The following CASP5 variants were observed in gnomAD, a reference collection of about 807,000 sequenced individuals.
The protein encoded by CASP5 is caspase 5.
CASP5 carries 42 observed loss-of-function variants against 45.2 expected under a neutral mutation model. That is an observed-to-expected ratio of 0.93 (90% CI 0.73 to 1.20). The LOEUF is 1.20. Among genes scored for constraint, CASP5 ranks in the 50% most tolerant of loss-of-function variants. The pLI is 0.00. For synonymous variants in CASP5, 209 were observed against 186.2 expected (o/e 1.12, Z -1.00); for missense variants, 512 against 532.2 (o/e 0.96, Z 0.37).
intron 8 of CASP5, 147 bp from the exon 9 acceptor site, chr11:104,995,989 T>C (rs1861453308): frequency 7.2e-6 from 4 of 556,396 alleles, no homozygotes; most frequent in Admixed American, 3.2e-5. Context: ...TTAACACTGC[T>C]ACTCTACCTC....
At chr11:105,022,566 T>C (rs1863025990) in intron 1 of CASP5, among the ~76,000 whole-genome samples, 1 of 152,082 alleles carries the variant, frequency 6.6e-6, no homozygotes, top group South Asian at 2.1e-4. Context: ...GGTTAAGTTT[T>C]TGGGAGTGGG....
At chr11:105,017,073 C>A (rs1224094524) in intron 1 of CASP5, among the ~76,000 whole-genome samples, 2 of 151,824 alleles carry the variant, frequency 1.3e-5, no homozygotes, top group Non-Finnish European at 2.9e-5. Context: ...GCCGGGTACT[C>A]CAACAGACCT....
intron 1 of CASP5, 55 bp from the exon 2 acceptor site, chr11:105,009,035 C>G (rs1296698527): frequency 1.3e-6 from 2 of 1,564,238 alleles, no homozygotes; most frequent in East Asian, 2.2e-5. Context: ...AGAGTTTTGC[C>G]CTTGCTTTAG....
Position 105,005,639 on chromosome 11 carries a change from C to G in CASP5, c.433+1444G>C, listed in dbSNP as rs977545063. ...ATAGAGTGCAGAGAGCCACTGGACCCCTCCTGCAGGGATCTGCAGCTGCCT... is the reference window on the plus strand; with the variant it reads ...ATAGAGTGCAGAGAGCCACTGGACCGCTCCTGCAGGGATCTGCAGCTGCCT... On this transcript the variant is annotated intron_variant, in intron 3 of 9. Coordinates refer to ENST00000260315, the MANE Select transcript of CASP5 (RefSeq NM_004347.5). 2.0e-5 allele frequency among the ~76,000 whole-genome samples: 3 copies of G among 152,202 alleles called. 1 individual carries two copies. The highest frequency in any genetic ancestry group is 6.8e-3 in the Middle Eastern group (2 of 294).
chr11:105,015,370 T>C (rs1213871968), intron 1 of CASP5, among the ~76,000 whole-genome samples: 1 of 152,232 alleles, frequency 6.6e-6, no homozygotes, highest in Non-Finnish European at 1.5e-5. Context: ...TTTTTATTGA[T>C]TACTTTTTGT....
chr11:105,008,030 C>A (rs1862094503), intron 2 of CASP5, among the ~76,000 whole-genome samples: 1 of 152,016 alleles, frequency 6.6e-6, no homozygotes, highest in African/African-American at 2.4e-5. Context: ...AATCACTACA[C>A]CTTAGCATAA....
At chr11:105,001,960 A>C in intron 5 of CASP5, 68 bp downstream of exon 5, 1 of 1,520,052 alleles carries the variant, frequency 6.6e-7, no homozygotes, top group Non-Finnish European at 9.0e-7. Flanking sequence ...ACTTCTATAA[A>C]GCTAACTAAT....
chr11:104,994,568 G>T (rs11607824), intron 9 of CASP5, among the ~76,000 whole-genome samples: 152 of 152,278 alleles, frequency 1.0e-3, no homozygotes, highest in Non-Finnish European at 1.7e-3. Context: ...GCACTGGAAG[G>T]GTTTCCTATC....
At chr11:105,020,824 G>A (rs1016251464) in intron 1 of CASP5, among the ~76,000 whole-genome samples, 1 of 151,936 alleles carries the variant, frequency 6.6e-6, no homozygotes, top group Non-Finnish European at 1.5e-5. Context: ...AGTTCATATG[G>A]AACCAAAAAA....
At chr11:105,000,566 G>T in intron 5 of CASP5, 71 bp from the exon 6 acceptor site, 2 of 1,387,006 alleles carry the variant, frequency 1.4e-6, no homozygotes, top group Non-Finnish European at 2.0e-6. Context: ...GATTTACCAT[G>T]AGCGAAACAA....
In CASP5 at chr11:105,015,770, A is replaced by T. The variant is rs529902627; in HGVS notation, c.8-6790T>A. ...AAATAGACAAAAAAAAAAAAAATTT[A>T]AAAGCAAGCAATTCCTGCATTTTAG... On this transcript the variant is annotated intron_variant, in intron 1 of 9. Coordinates refer to ENST00000260315, the MANE Select transcript of CASP5 (RefSeq NM_004347.5). Among the ~76,000 whole-genome samples the T allele has an allele frequency of 8.9e-4, 135 of 151,118 alleles. 2 individuals are homozygous for T. In the South Asian group the frequency reaches 0.02, roughly 22 times the overall value.
At chr11:105,009,750 TATATATATACAC>T (rs1565387932) in intron 1 of CASP5, among the ~76,000 whole-genome samples, 3 of 78,332 alleles carry the variant, frequency 3.8e-5, no homozygotes. Flanking sequence ...TATATATATA[TATATATATACAC>T]ACACACACGT....
Position 105,010,511 on chromosome 11 carries a change from C to CATT in CASP5, c.8-1534_8-1532dup, listed in dbSNP as rs144496984. Among the ~76,000 whole-genome samples, 16 of 131,022 alleles carry CATT rather than the reference C, an allele frequency of 1.2e-4. No homozygotes were observed. The South Asian group carries it at 2.5e-3, about 21-fold the overall frequency. The allele number at this position is 131,022 out of a possible 152,430, so 86.0% of individuals were successfully genotyped here. A position where few individuals can be genotyped will look rare whatever the true frequency, so the allele number is the denominator to read the frequency against. On this transcript the variant is annotated intron_variant, in intron 1 of 9. Transcript: ENST00000260315. ...ACTGATATAATAAATCAGTAATTAT[C>CATT]ATTATTATTATTATATCATATCAGT...
At chr11:105,000,599 C>T (rs1022476663) in intron 5 of CASP5, 104 bp from the exon 6 acceptor site, 5 of 1,019,492 alleles carry the variant, frequency 4.9e-6, no homozygotes, top group African/African-American at 1.6e-5. Context: ...ACATCCGGGT[C>T]GTGGTGCTTC....
Position 104,995,812 on chromosome 11 carries a change from T to C in CASP5, c.1237A>G (p.Lys413Glu). The change falls in exon 9 of 10, where the codon AAA becomes GAA. Residue 413 changes from lysine (K) to glutamate (E), a missense_variant. Coordinates refer to ENST00000260315, the MANE Select transcript of CASP5 (RefSeq NM_004347.5). ...VQKSFEVPQA[K>E]AQMPTIERAT... is the part of the protein sequence containing the mutation. ...CGTTCTATGGTGGGCATCTGGGCTT[T>C]AGCCTGTGGAACTTCAAATGATTTC... is the stretch of plus-strand genomic sequence containing the variant. 1 of 1,612,446 alleles carries C rather than the reference T, an allele frequency of 6.2e-7. No homozygotes were observed.
intron 8 of CASP5, 102 bp from the exon 9 acceptor site, chr11:104,995,944 G>A (rs976890197): frequency 2.2e-5 from 16 of 721,152 alleles, no homozygotes; most frequent in Non-Finnish European, 4.8e-6. Flanking sequence ...AGCTTCCAGG[G>A]TTGATAGGAC....
At chr11:105,021,408 C>T (rs950104972) in intron 1 of CASP5, among the ~76,000 whole-genome samples, 1 of 147,550 alleles carries the variant, frequency 6.8e-6, no homozygotes, top group African/African-American at 2.5e-5. Context: ...GCAACCTACT[C>T]GTCTGACAAA....
chr11:104,999,151 T>C (rs1221993980), intron 6 of CASP5, 123 bp from the exon 7 acceptor site: 9 of 810,850 alleles, frequency 1.1e-5, no homozygotes, highest in African/African-American at 3.5e-5. Context: ...ACCTATCATA[T>C]AGGTTTTAAG....
At position 105,019,836 on chromosome 11, in the gene CASP5, G is replaced by T. The variant is rs866778535; in HGVS notation, c.7+3294C>A. On this transcript the variant is annotated intron_variant, in intron 1 of 9. Transcript: ENST00000260315. ...CCAGCATCATCCTGATACCAAAGCC[G>T]GGCAGAGACACAACCAAAAAAGAGA... 6.2e-4 allele frequency among the ~76,000 whole-genome samples: 89 copies of T among 144,266 alleles called. 1 individual carries two copies. Among genetic ancestry groups the T allele is most frequent in the Middle Eastern group, 3.4e-3 (1 of 290 alleles). 94.6% of individuals were successfully genotyped at this position (144,266 alleles called of 152,430 possible).
Sources: allele counts gnomAD v4.1 joint callset (sites outside exome capture counted in the v4.1 genomes callset), GRCh38; gene constraint gnomAD v4.1.1; transcripts MANE v1.5; gene names NCBI Gene and HGNC (gene_info 2026-07-23, HGNC 2026-07-21).